Variants in NT5C2 observed in about 807,000 individuals in gnomAD.
NT5C2 encodes the protein cytosolic purine 5'-nucleotidase.
NT5C2 carries 58 observed loss-of-function variants against 76.1 expected under a neutral mutation model. The ratio of observed to expected loss-of-function variants is 0.76; its 90% CI spans 0.62 to 0.95. The LOEUF (loss-of-function observed/expected upper bound fraction) is 0.95. NT5C2 is among the 40% of genes least tolerant of loss of function. The probability of loss-of-function intolerance (pLI) is 0.00; values close to 1 mark genes in which losing one functional copy is unlikely to be tolerated. For missense variants in NT5C2, 478 were observed against 690.3 expected (o/e 0.69, Z 3.45); for synonymous variants, 229 against 237.4 (o/e 0.96, Z 0.32).
At chr10:103,169,505 GC>G (rs1366226147) in intron 3 of NT5C2, 1 of 152,162 alleles carries the variant, frequency 6.6e-6, no homozygotes, top group Non-Finnish European at 1.5e-5. Flanking sequence ...TGTAGTCCCA[GC>G]TATTCAGGAG....
At chr10:103,102,666 G>T (rs1401379017) in intron 6 of NT5C2, among the ~76,000 whole-genome samples, 1 of 151,910 alleles carries the variant, frequency 6.6e-6, no homozygotes, top group Admixed American at 6.6e-5. Flanking sequence ...GATTTGGCTG[G>T]GGGAACATTA....
intron 4 of NT5C2, among the ~76,000 whole-genome samples, chr10:103,130,113 G>A (rs2077818531): frequency 6.6e-6 from 1 of 151,864 alleles, no homozygotes. Flanking sequence ...GGAATAGAAA[G>A]GCAGGAAAGG....
rs568593442 is a variant in NT5C2, at chr10:103,147,105, G to A, written c.102-7626C>T. ...AAACGTGTCCATTTGAAACAGATTG[G>A]AAAAAAGTTATTTATAAACTGGTCC... is the stretch of plus-strand genomic sequence containing the variant. On this transcript the variant is annotated intron_variant, in intron 3 of 18. Transcript: ENST00000404739. Among the ~76,000 whole-genome samples, 3 of 152,172 alleles carry A rather than the reference G, an allele frequency of 2.0e-5. No homozygotes were observed. In the East Asian group the frequency reaches 5.8e-4, roughly 29 times the overall value.
chr10:103,178,128 A>G (rs755445476), intron 2 of NT5C2, among the ~76,000 whole-genome samples: 2 of 152,228 alleles, frequency 1.3e-5, no homozygotes, highest in South Asian at 4.1e-4. Context: ...TAATGACTGA[A>G]TAATAATCCA....
At chr10:103,129,415 C>T (rs2077490991) in intron 4 of NT5C2, among the ~76,000 whole-genome samples, 1 of 106,610 alleles carries the variant, frequency 9.4e-6, no homozygotes, top group Admixed American at 8.4e-5. Flanking sequence ...TGCCCGGCCG[C>T]CCCTACTGGG....
At chr10:103,147,531 A>G (rs975662404) in intron 3 of NT5C2, among the ~76,000 whole-genome samples, 3 of 152,204 alleles carry the variant, frequency 2.0e-5, no homozygotes, top group African/African-American at 7.2e-5. Flanking sequence ...TTTTCTACTT[A>G]ATGAAAGAAA....
chr10:103,185,743 C>T (rs2091941573), intron 1 of NT5C2, among the ~76,000 whole-genome samples: 1 of 151,336 alleles, frequency 6.6e-6, no homozygotes, highest in African/African-American at 2.4e-5. Context: ...CTCCTGCTCA[C>T]CATTCAACTT....
At position 103,090,593 on chromosome 10, in the gene NT5C2, A is replaced by T. The variant is rs894744507; in HGVS notation, c.1449+18T>A. 2 of 1,607,358 alleles carry T rather than the reference A, an allele frequency of 1.2e-6. No individual in the cohort carries two copies. Among genetic ancestry groups the T allele is most frequent in the Admixed American group, 3.4e-5 (2 of 59,320 alleles). On this transcript the variant is annotated intron_variant, in intron 18 of 18. Coordinates refer to ENST00000404739, the MANE Select transcript of NT5C2 (RefSeq NM_001351169.2). ...GGCTTAGAGTACATCTTGGCTGTCCATTACAGCTTTAACTCACCAAGACAT... is the reference window on the plus strand; with the variant it reads ...GGCTTAGAGTACATCTTGGCTGTCCTTTACAGCTTTAACTCACCAAGACAT...
intron 4 of NT5C2, among the ~76,000 whole-genome samples, chr10:103,129,497 G>A (rs1189367804): frequency 4.6e-4 from 50 of 109,806 alleles, no homozygotes; most frequent in African/African-American, 9.7e-4. Context: ...CCCCCCACCC[G>A]GCCAGCCGCC....
intron 1 of NT5C2, among the ~76,000 whole-genome samples, chr10:103,183,639 T>G (rs530210391): frequency 6.7e-6 from 1 of 149,308 alleles, no homozygotes; most frequent in Non-Finnish European, 1.5e-5. Context: ...TATATACATA[T>G]ACATACACAC....
intron 6 of NT5C2, 144 bp from the exon 7 acceptor site, chr10:103,101,470 G>A: frequency 2.1e-6 from 1 of 481,316 alleles, no homozygotes; most frequent in Non-Finnish European, 3.6e-6. Context: ...TAGCTATGAA[G>A]ATGAACGAGT....
In NT5C2 at chr10:103,089,162, C is replaced by T. The variant is rs1432611443; in HGVS notation, c.*510G>A. ...AGAGTCACTGAGGATGAATTAAAGG[C>T]TTATAAAAGAAAACTTGACCTTAAC... On this transcript the variant is annotated 3_prime_UTR_variant, in exon 19 of 19. Transcript: ENST00000404739. 4.4e-6 allele frequency: 1 copy of T among 225,896 alleles called. No homozygotes were observed. The highest frequency in any genetic ancestry group is 8.8e-6 in the Non-Finnish European group (1 of 113,562). 14.0% of individuals were successfully genotyped at this position (225,896 alleles called of 1,614,324 possible). A position where few individuals can be genotyped will look rare whatever the true frequency, so the allele number is the denominator to read the frequency against.
chr10:103,101,715 T>C (rs894272953), intron 6 of NT5C2, among the ~76,000 whole-genome samples: 28 of 151,718 alleles, frequency 1.8e-4, no homozygotes, highest in Non-Finnish European at 3.2e-4. Context: ...AATTATAAGG[T>C]AAAAAATCAC....
rs1018948530 is a variant in NT5C2, at chr10:103,089,454, A to T, written c.*218T>A. On this transcript the variant is annotated 3_prime_UTR_variant, in exon 19 of 19. Coordinates refer to ENST00000404739, the MANE Select transcript of NT5C2 (RefSeq NM_001351169.2). ...CTGATTTTACCCTTATTTTCTTCTA[A>T]TACAGACTCCATTACAATTTTGGAC... is the stretch of plus-strand genomic sequence containing the variant. 1 of 686,762 alleles carries T rather than the reference A, an allele frequency of 1.5e-6. No homozygotes were observed. The highest frequency in any genetic ancestry group is 1.8e-5 in the African/African-American group (1 of 55,062). The allele number at this position is 686,762 out of a possible 1,614,324, so 42.5% of individuals were successfully genotyped here. A position where few individuals can be genotyped will look rare whatever the true frequency, so the allele number is the denominator to read the frequency against.
intron 4 of NT5C2, among the ~76,000 whole-genome samples, chr10:103,113,169 C>A (rs1418368760): frequency 6.6e-6 from 1 of 152,050 alleles, no homozygotes; most frequent in Admixed American, 6.5e-5. Context: ...AAAACACATT[C>A]CCAAATAACT....
intron 1 of NT5C2, among the ~76,000 whole-genome samples, chr10:103,182,908 C>A (rs993605795): frequency 2.6e-5 from 4 of 152,084 alleles, no homozygotes; most frequent in Non-Finnish European, 5.9e-5. Flanking sequence ...TTTATTCAGT[C>A]TTTGATAACC....
chr10:103,180,617 G>A (rs1310325072), intron 2 of NT5C2, among the ~76,000 whole-genome samples: 2 of 152,076 alleles, frequency 1.3e-5, no homozygotes, highest in African/African-American at 4.8e-5. Context: ...TGTAGTCCCA[G>A]CTACTTGGGA....
chr10:103,161,823 A>G (rs995042039), intron 3 of NT5C2, among the ~76,000 whole-genome samples: 9 of 152,216 alleles, frequency 5.9e-5, no homozygotes, highest in Admixed American at 3.9e-4. Flanking sequence ...TGAAATATCC[A>G]GAATAGGCAA....
At chr10:103,129,236 T>C (rs1211888996) in intron 4 of NT5C2, among the ~76,000 whole-genome samples, 1 of 92,584 alleles carries the variant, frequency 1.1e-5, no homozygotes, top group Non-Finnish European at 2.3e-5. Flanking sequence ...AGCCACCCCG[T>C]CCGGGAGGGA....
Sources: allele counts gnomAD v4.1 joint callset (sites outside exome capture counted in the v4.1 genomes callset), GRCh38; gene constraint gnomAD v4.1.1; transcripts MANE v1.5; gene names NCBI Gene and HGNC (gene_info 2026-07-23, HGNC 2026-07-21).